The following MNAT1 variants were observed in gnomAD, a reference collection of about 807,000 sequenced individuals.
MNAT1 encodes the protein CDK-activating kinase assembly factor MAT1.
Under a neutral mutation model 42.0 loss-of-function variants are expected in MNAT1, and 43 were observed. The ratio of observed to expected loss-of-function variants is 1.02; its 90% confidence interval spans 0.80 to 1.32. MNAT1 has a LOEUF of 1.32. MNAT1 is among the 40% of genes most tolerant of loss of function. The pLI is 0.00. For synonymous variants in MNAT1, 118 were observed against 120.0 expected, an observed-to-expected ratio of 0.98 and a Z score of 0.11; for missense variants, 306 against 350.4, an observed-to-expected ratio of 0.87 and a Z score of 1.01.
chr14:60,792,534 T>C (rs1362157839), intron 1 of MNAT1, among the ~76,000 whole-genome samples: 1 of 152,198 alleles, frequency 6.6e-6, no homozygotes, highest in Non-Finnish European at 1.5e-5. Flanking sequence ...GTTTCATTTT[T>C]AAAAGCCAAG....
intron 7 of MNAT1, among the ~76,000 whole-genome samples, chr14:60,913,487 G>T (rs565242051): frequency 4.6e-5 from 7 of 152,172 alleles, no homozygotes; most frequent in Admixed American, 4.6e-4. Context: ...GATGATGGTG[G>T]CGTCCAGATG....
chr14:60,735,419 T>G (rs949742876), intron 1 of MNAT1, among the ~76,000 whole-genome samples: 7 of 152,238 alleles, frequency 4.6e-5, no homozygotes, highest in Admixed American at 2.6e-4. Context: ...TGCCCACTTG[T>G]CCTGATGGAG....
At chr14:60,756,569 A>G (rs1483488453) in intron 1 of MNAT1, among the ~76,000 whole-genome samples, 1 of 152,210 alleles carries the variant, frequency 6.6e-6, no homozygotes, top group African/African-American at 2.4e-5. Flanking sequence ...TGGAGGATGG[A>G]AAAATCTTGA....
At chr14:60,863,873 A>T (rs188232294) in intron 6 of MNAT1, among the ~76,000 whole-genome samples, 1 of 152,260 alleles carries the variant, frequency 6.6e-6, no homozygotes, top group African/African-American at 2.4e-5. Flanking sequence ...TAGTATAGTC[A>T]GCTTTCTAGA....
intron 1 of MNAT1, among the ~76,000 whole-genome samples, chr14:60,745,211 C>CG (rs1324738494): frequency 2.6e-5 from 4 of 152,168 alleles, no homozygotes; most frequent in Non-Finnish European, 5.9e-5. Flanking sequence ...GTGAGTTTCC[C>CG]ATCTCTCAGG....
At chr14:60,948,521 T>C (rs974098523) in intron 7 of MNAT1, among the ~76,000 whole-genome samples, 14 of 152,166 alleles carry the variant, frequency 9.2e-5, no homozygotes, top group African/African-American at 3.4e-4. Context: ...TGTAGAGTTT[T>C]TTCATTTCTA....
intron 1 of MNAT1, among the ~76,000 whole-genome samples, chr14:60,742,296 C>T (rs1352096393): frequency 6.6e-6 from 1 of 152,004 alleles, no homozygotes; most frequent in African/African-American, 2.4e-5. Flanking sequence ...CTGTGTTGCC[C>T]AGGCTGGTCT....
At chr14:60,956,534 TC>T (rs1231479269) in intron 7 of MNAT1, among the ~76,000 whole-genome samples, 1 of 152,216 alleles carries the variant, frequency 6.6e-6, no homozygotes, top group Non-Finnish European at 1.5e-5. Flanking sequence ...GAAGTGTAAT[TC>T]CAGCTTAGTG....
intron 1 of MNAT1, among the ~76,000 whole-genome samples, chr14:60,784,433 C>T (rs558986952): frequency 1.3e-5 from 2 of 151,822 alleles, no homozygotes; most frequent in African/African-American, 4.8e-5. Context: ...CCTGCTGCGG[C>T]CTTCCAAAGT....
At chr14:60,889,734 T>C (rs939921200) in intron 7 of MNAT1, among the ~76,000 whole-genome samples, 1 of 152,002 alleles carries the variant, frequency 6.6e-6, no homozygotes, top group Non-Finnish European at 1.5e-5. Flanking sequence ...GAATCTACAA[T>C]GAACTCAAAC....
intron 1 of MNAT1, among the ~76,000 whole-genome samples, chr14:60,788,978 A>G (rs1488901076): frequency 6.6e-6 from 1 of 152,076 alleles, no homozygotes; most frequent in Non-Finnish European, 1.5e-5. Context: ...TTTCCTTTGC[A>G]TTCATGACTT....
chr14:60,848,234 C>T (rs2033729547), intron 6 of MNAT1, among the ~76,000 whole-genome samples: 1 of 152,126 alleles, frequency 6.6e-6, no homozygotes. Flanking sequence ...GTTCCACTAC[C>T]TTCTGACTTC....
At chr14:60,802,736 C>A (rs2032244792) in intron 3 of MNAT1, among the ~76,000 whole-genome samples, 1 of 151,980 alleles carries the variant, frequency 6.6e-6, no homozygotes. Flanking sequence ...TGACCCCATG[C>A]AGTTGTATGG....
chr14:60,942,164 G>GT (rs931629349), intron 7 of MNAT1, among the ~76,000 whole-genome samples: 2 of 152,010 alleles, frequency 1.3e-5, no homozygotes, highest in Non-Finnish European at 2.9e-5. Context: ...AAATGGAATA[G>GT]TTTTTTCTGA....
At chr14:60,911,913 C>G (rs941527935) in intron 7 of MNAT1, among the ~76,000 whole-genome samples, 10 of 152,142 alleles carry the variant, frequency 6.6e-5, no homozygotes, top group Admixed American at 4.6e-4. Flanking sequence ...CTAATGTTGA[C>G]AGTGGGGTGT....
chr14:60,859,694 G>GA (rs1255988263), intron 6 of MNAT1, among the ~76,000 whole-genome samples: 2 of 152,114 alleles, frequency 1.3e-5, no homozygotes, highest in Non-Finnish European at 2.9e-5. Flanking sequence ...ATCAGAACCA[G>GA]AGGTCTGCTG....
At chr14:60,778,955 A>G (rs904182252) in intron 1 of MNAT1, among the ~76,000 whole-genome samples, 28 of 152,182 alleles carry the variant, frequency 1.8e-4, no homozygotes, top group African/African-American at 5.8e-4. Flanking sequence ...TATGCTTTCC[A>G]TTCATATAGC....
chr14:60,906,416 T>C (rs2035201211), intron 7 of MNAT1, among the ~76,000 whole-genome samples: 1 of 152,168 alleles, frequency 6.6e-6, no homozygotes, highest in African/African-American at 2.4e-5. Flanking sequence ...TGGTGGGCAA[T>C]GGTGGCAAGG....
chr14:60,755,184 C>G (rs2030287389), intron 1 of MNAT1, among the ~76,000 whole-genome samples: 1 of 151,670 alleles, frequency 6.6e-6, no homozygotes, highest in Non-Finnish European at 1.5e-5. Context: ...TTTTTAGTTG[C>G]CCAGGCTGGA....
Sources: allele counts gnomAD v4.1 joint callset (sites outside exome capture counted in the v4.1 genomes callset), GRCh38; gene constraint gnomAD v4.1.1; transcripts MANE v1.5; gene names NCBI Gene and HGNC (gene_info 2026-07-23, HGNC 2026-07-21).